ACTR3C: variants seen among roughly 807,000 people sequenced by gnomAD.
ACTR3C encodes the protein actin-related protein 3C.
A neutral mutation model predicts 26.3 loss-of-function variants in ACTR3C; 18 were observed. That is an observed-to-expected ratio of 0.68 (90% CI 0.47 to 1.01). The LOEUF is 1.01. ACTR3C is among the 50% of genes least tolerant of loss of function. The pLI is 0.00. For synonymous variants in ACTR3C, 55 were observed against 94.5 expected, an observed-to-expected ratio of 0.58 and a Z score of 2.42; for missense variants, 184 against 250.7, an observed-to-expected ratio of 0.73 and a Z score of 1.80.
the ACTR3C span, among the ~76,000 whole-genome samples, chr7:150,067,882 G>T: frequency 4.6e-5 from 7 of 151,174 alleles, no homozygotes; most frequent in African/African-American, 1.2e-4. Context: ...TTTAGAAAAG[G>T]TTCTAGATCT....
the ACTR3C span, among the ~76,000 whole-genome samples, chr7:150,055,240 G>C: frequency 2.0e-5 from 3 of 152,230 alleles, no homozygotes; most frequent in African/African-American, 7.2e-5. Context: ...ACTCAGGGCT[G>C]GGGCCAGGCA....
At chr7:150,127,332 G>A in the ACTR3C span, among the ~76,000 whole-genome samples, 1 of 152,112 alleles carries the variant, frequency 6.6e-6, no homozygotes, top group Non-Finnish European at 1.5e-5. Context: ...GAAAATGGAT[G>A]AAGACTGCCC....
the ACTR3C span, among the ~76,000 whole-genome samples, chr7:149,883,838 G>T: frequency 6.6e-6 from 1 of 152,188 alleles, no homozygotes; most frequent in African/African-American, 2.4e-5. Context: ...GGAAACCAAA[G>T]GACCATGCTG....
the ACTR3C span, among the ~76,000 whole-genome samples, chr7:149,935,459 T>G: frequency 6.8e-6 from 1 of 146,476 alleles, no homozygotes; most frequent in Non-Finnish European, 1.5e-5. Context: ...TGGGGTGCGA[T>G]GGTATGATCT....
the ACTR3C span, among the ~76,000 whole-genome samples, chr7:150,111,212 C>A: frequency 8.1e-6 from 1 of 122,954 alleles, no homozygotes; most frequent in Non-Finnish European, 1.7e-5. Flanking sequence ...GAGCACCCCC[C>A]TTTTCCTCCC....
the ACTR3C span, among the ~76,000 whole-genome samples, chr7:150,234,059 G>C: frequency 6.6e-6 from 1 of 152,028 alleles, no homozygotes; most frequent in East Asian, 1.9e-4. Context: ...TCCTTATTTT[G>C]TCTCCACTCT....
chr7:149,970,324 C>T, the ACTR3C span, among the ~76,000 whole-genome samples: 6 of 151,480 alleles, frequency 4.0e-5, no homozygotes, highest in Non-Finnish European at 7.4e-5. Flanking sequence ...TCGTGATGCT[C>T]GATGGACACT....
the ACTR3C span, among the ~76,000 whole-genome samples, chr7:150,225,089 C>T: frequency 3.3e-5 from 5 of 151,560 alleles, no homozygotes; most frequent in Admixed American, 2.0e-4. Flanking sequence ...CTTTATGGCA[C>T]TACAAGGTGC....
chr7:150,035,801 C>T, the ACTR3C span, among the ~76,000 whole-genome samples: 6 of 114,792 alleles, frequency 5.2e-5, 1 homozygote, highest in Non-Finnish European at 1.1e-4. Flanking sequence ...AGTGGGGGAA[C>T]CAGGGACTGG....
chr7:150,146,249 C>A, the ACTR3C span, among the ~76,000 whole-genome samples: 2 of 151,718 alleles, frequency 1.3e-5, no homozygotes, highest in Non-Finnish European at 1.5e-5. Flanking sequence ...TCTCCAAGTT[C>A]TCAGAGAAAA....
At chr7:150,135,410 A>G in the ACTR3C span, among the ~76,000 whole-genome samples, 1 of 152,254 alleles carries the variant, frequency 6.6e-6, no homozygotes, top group Non-Finnish European at 1.5e-5. Context: ...CTTCATGCTC[A>G]GTGGCCATGA....
the ACTR3C span, among the ~76,000 whole-genome samples, chr7:150,106,115 C>CA: frequency 1.3e-5 from 2 of 151,726 alleles, no homozygotes; most frequent in Non-Finnish European, 2.9e-5. Flanking sequence ...AAGATACAGC[C>CA]AAATCACTCA....
chr7:150,034,475 C>T, the ACTR3C span, among the ~76,000 whole-genome samples: 2 of 151,426 alleles, frequency 1.3e-5, no homozygotes, highest in East Asian at 3.9e-4. Context: ...CTTCCATGTC[C>T]CCGCCCCCTT....
the ACTR3C span, among the ~76,000 whole-genome samples, chr7:150,038,051 G>A: frequency 2.8e-5 from 4 of 141,126 alleles, 1 homozygote; most frequent in Non-Finnish European, 6.3e-5. Flanking sequence ...GGGGGAAGAG[G>A]GGTTGGCTCT....
the ACTR3C span, among the ~76,000 whole-genome samples, chr7:149,904,244 C>T: frequency 6.7e-6 from 1 of 149,260 alleles, no homozygotes; most frequent in Non-Finnish European, 1.5e-5. Flanking sequence ...TTAAAGAATA[C>T]TTTAAGGCCA....
the ACTR3C span, among the ~76,000 whole-genome samples, chr7:150,037,106 A>G: frequency 2.5e-4 from 14 of 56,976 alleles, no homozygotes; most frequent in South Asian, 6.8e-4. Context: ...CCTAAGAGCC[A>G]GGGGGGGAAG....
chr7:150,121,951 C>T, the ACTR3C span, among the ~76,000 whole-genome samples: 2 of 152,008 alleles, frequency 1.3e-5, no homozygotes, highest in African/African-American at 2.4e-5. Context: ...TGATCTTTGA[C>T]AAACCTAACA....
At chr7:150,049,382 G>A in the ACTR3C span, among the ~76,000 whole-genome samples, 1 of 152,162 alleles carries the variant, frequency 6.6e-6, no homozygotes, top group Non-Finnish European at 1.5e-5. Flanking sequence ...CGTGGGCCGG[G>A]AAACCCCAAC....
At chr7:150,275,771 T>C (rs532995121) in intron 6 of ACTR3C, among the ~76,000 whole-genome samples, 13 of 151,974 alleles carry the variant, frequency 8.6e-5, no homozygotes, top group African/African-American at 3.1e-4. Context: ...TTTGTAAAAG[T>C]GTTTTTTACA....
Sources: gnomAD v4.1 joint callset for allele counts (sites outside exome capture counted in the v4.1 genomes callset) on GRCh38, gnomAD v4.1.1 for gene constraint, MANE v1.5 for transcripts, NCBI Gene and HGNC (gene_info 2026-07-23, HGNC 2026-07-21) for gene names.